Variants in PRSS12 observed in about 807,000 individuals in gnomAD.
The protein encoded by PRSS12 is serine protease 12.
In PRSS12, 85 loss-of-function variants were observed where a neutral mutation model predicts 104.4. The ratio of observed to expected loss-of-function variants is 0.81; its 90% CI spans 0.68 to 0.98. The LOEUF (loss-of-function observed/expected upper bound fraction) is 0.98. PRSS12 is among the 50% of genes least tolerant of loss of function. PRSS12 has a pLI of 0.00. For synonymous variants in PRSS12, 454 were observed against 425.2 expected, an observed-to-expected ratio of 1.07 and a Z score of -0.83; for missense variants, 1,141 against 1,139.2, an observed-to-expected ratio of 1.00 and a Z score of -0.02.
rs1226393483 is a variant in PRSS12 at position 118,298,762 on chromosome 4, C to T, written c.1808G>A (p.Gly603Asp). The T allele has an allele frequency of 6.2e-7, 1 of 1,614,196 alleles. No homozygotes were observed. The highest frequency in any genetic ancestry group is 2.2e-5 in the East Asian group (1 of 44,882). ...EDAGVICDYFGKKASGNSNKE... is the reference protein window; with the variant it reads ...EDAGVICDYFDKKASGNSNKE... The stretch of plus-strand genomic sequence containing the variant: ...ATTACTGTTACCTGAGGCCTTCTTG[C>T]CAAAATAATCACAAATAACTCCTGC... Residue 603 changes from glycine (G) to aspartate (D), a missense_variant, in exon 9 of 13, where the codon GGC becomes GAC. Transcript: ENST00000296498.
intron 2 of PRSS12, 131 bp downstream of exon 2, chr4:118,338,044 CT>C: frequency 8.2e-7 from 1 of 1,216,228 alleles, no homozygotes; most frequent in Non-Finnish European, 1.2e-6. Context: ...CTTTATAGCT[CT>C]TTTGTGAAAA....
At chr4:118,318,284 T>C (rs1723500646) in intron 5 of PRSS12, 94 bp downstream of exon 5, 2 of 1,198,996 alleles carry the variant, frequency 1.7e-6, no homozygotes, top group Middle Eastern at 2.3e-4. Context: ...GTATGCTCAT[T>C]TGGTAATGTT....
At chr4:118,310,045 A>G (rs1743666723) in intron 7 of PRSS12, among the ~76,000 whole-genome samples, 3 of 152,298 alleles carry the variant, frequency 2.0e-5, no homozygotes, top group South Asian at 4.1e-4. Flanking sequence ...TGCCAACTCT[A>G]TGTATGCACT....
At chr4:118,293,197 G>A (rs1743169779) in intron 11 of PRSS12, among the ~76,000 whole-genome samples, 1 of 151,750 alleles carries the variant, frequency 6.6e-6, no homozygotes. Flanking sequence ...GTAAAGACTA[G>A]AATATTTAAT....
chr4:118,352,226 G>C lies in PRSS12; in HGVS notation c.495C>G (p.Cys165Trp). 1.2e-6 allele frequency: 2 copies of C among 1,611,938 alleles called. No individual in the cohort carries two copies. The highest frequency in any genetic ancestry group is 1.7e-6 in the Non-Finnish European group (2 of 1,179,746). The change falls in exon 1 of 13, where the codon TGC (cysteine) becomes TGG (tryptophan). Residue 165 changes from cysteine (C) to tryptophan (W), a missense_variant. Cys to Trp is a radical substitution (Grantham distance 215, BLOSUM62 -2). Coordinates refer to ENST00000296498, the MANE Select transcript of PRSS12 (RefSeq NM_003619.4). ...CGCCCCGAGGCCACTAACCGTGTCT[G>C]CAGTCGCAGTAGCCCCAGTCCACCT... is the stretch of plus-strand genomic sequence containing the variant. ...RGKVDWGYCD[C>W]RHGSVRLRGG...
chr4:118,322,201 A>G (rs1723644964), intron 4 of PRSS12, among the ~76,000 whole-genome samples: 1 of 152,196 alleles, frequency 6.6e-6, no homozygotes, highest in Non-Finnish European at 1.5e-5. Context: ...CAACTGTTTT[A>G]AAGATTACTT....
chr4:118,331,219 T>C (rs752357293), intron 4 of PRSS12, among the ~76,000 whole-genome samples: 29 of 152,338 alleles, frequency 1.9e-4, no homozygotes, highest in Non-Finnish European at 3.7e-4. Context: ...TTCAGACTGC[T>C]GTTTTCATGA....
intron 3 of PRSS12, among the ~76,000 whole-genome samples, chr4:118,334,658 C>T (rs1251665287): frequency 6.6e-6 from 1 of 152,148 alleles, no homozygotes; most frequent in Admixed American, 6.6e-5. Flanking sequence ...AAATGGGTCT[C>T]TCTGTTTTGT....
In PRSS12 at chr4:118,280,607, T is replaced by A. The variant is rs1211771667; in HGVS notation, c.*1329A>T. 6.6e-6 allele frequency: 1 copy of A among 152,240 alleles called. No individual in the cohort carries two copies. Among genetic ancestry groups the A allele is most frequent in the Admixed American group, 6.5e-5 (1 of 15,292 alleles). 9.4% of individuals were successfully genotyped at this position (152,240 alleles called of 1,614,324 possible). A position where few individuals can be genotyped will look rare whatever the true frequency, so the allele number is the denominator to read the frequency against. On this transcript the variant is annotated 3_prime_UTR_variant, in exon 13 of 13. Coordinates refer to ENST00000296498, the MANE Select transcript of PRSS12 (RefSeq NM_003619.4). ...CAATTTGTAAGTTCATGCTAACCTC[T>A]TCCCTATATTTATACTACTGGGACC...
At chr4:118,312,621 A>G (rs1415912992) in intron 7 of PRSS12, among the ~76,000 whole-genome samples, 1 of 152,182 alleles carries the variant, frequency 6.6e-6, no homozygotes, top group Non-Finnish European at 1.5e-5. Flanking sequence ...AAAAATGTAA[A>G]TGAAGAGTAA....
intron 8 of PRSS12, among the ~76,000 whole-genome samples, chr4:118,300,880 A>G (rs1267604645): frequency 2.0e-5 from 3 of 152,114 alleles, no homozygotes; most frequent in African/African-American, 7.2e-5. Flanking sequence ...TTCTCCATCA[A>G]ACTTTGGCAA....
intron 1 of PRSS12, among the ~76,000 whole-genome samples, chr4:118,340,195 T>C (rs189941942): frequency 6.6e-6 from 1 of 152,170 alleles, no homozygotes; most frequent in African/African-American, 2.4e-5. Flanking sequence ...TGGAAATAGT[T>C]TCCAGGTCAA....
rs2126028119 is a variant in PRSS12, at chr4:118,294,938, C to A, written c.2039+1G>T. The A allele has an allele frequency of 6.2e-7, 1 of 1,614,030 alleles. No homozygotes were observed. Among genetic ancestry groups the A allele is most frequent in the Non-Finnish European group, 8.5e-7 (1 of 1,179,978 alleles). On this transcript the variant is annotated splice_donor_variant, in intron 11 of 12. Coordinates refer to ENST00000296498, the MANE Select transcript of PRSS12 (RefSeq NM_003619.4). LOFTEE classifies it high-confidence loss of function. Reference sequence around the variant, plus strand: ...GGTTGTTTGGGAAGGTGGACACATACCTCTTGAAACAGTGTGCTGCTGTGA... The same window carrying A: ...GGTTGTTTGGGAAGGTGGACACATAACTCTTGAAACAGTGTGCTGCTGTGA...
At chr4:118,317,087 C>T (rs946951813) in intron 5 of PRSS12, among the ~76,000 whole-genome samples, 3 of 151,518 alleles carry the variant, frequency 2.0e-5, no homozygotes, top group African/African-American at 2.4e-5. Flanking sequence ...AATAGGATGA[C>T]AGAAAAAAAC....
chr4:118,299,276 A>C (rs540912431), intron 8 of PRSS12, among the ~76,000 whole-genome samples: 2 of 152,332 alleles, frequency 1.3e-5, no homozygotes, highest in South Asian at 2.1e-4. Flanking sequence ...CCTCTTAAAG[A>C]GTACAATACT....
chr4:118,284,224 G>GT (rs1742964491), intron 11 of PRSS12, among the ~76,000 whole-genome samples: 2 of 152,080 alleles, frequency 1.3e-5, no homozygotes, highest in South Asian at 4.1e-4. Context: ...CTGGTACATG[G>GT]TACACAAACC....
Position 118,295,838 on chromosome 4 carries a change from C to G in PRSS12, c.1856G>C (p.Cys619Ser). ...NSNKESLSSV[C>S]GLRLLHRRQK... ...CCGACGGTGCAGTAATCTCAAGCCA[C>G]AAACAGATGAGAGGGACTCTGAAGC... The change falls in exon 10 of 13, where the codon TGT (cysteine) becomes TCT (serine). Residue 619 changes from cysteine to serine, a missense_variant. Physicochemically the swap from Cys to Ser is moderately radical, Grantham distance 112. Coordinates refer to ENST00000296498, the MANE Select transcript of PRSS12 (RefSeq NM_003619.4). The G allele has an allele frequency of 6.2e-7, 1 of 1,614,032 alleles. No individual in the cohort carries two copies. The highest frequency in any genetic ancestry group is 8.5e-7 in the Non-Finnish European group (1 of 1,179,932).
intron 11 of PRSS12, among the ~76,000 whole-genome samples, chr4:118,283,985 C>T (rs1742956683): frequency 6.6e-6 from 1 of 152,100 alleles, no homozygotes; most frequent in Non-Finnish European, 1.5e-5. Context: ...TGTATACTTT[C>T]TATAGTCCAT....
chr4:118,319,772 G>A (rs930018731), intron 4 of PRSS12, among the ~76,000 whole-genome samples: 12 of 151,982 alleles, frequency 7.9e-5, no homozygotes, highest in Admixed American at 2.0e-4. Context: ...TGACCTCCTG[G>A]GCTCCAGTGA....
Sources: allele counts gnomAD v4.1 joint callset (sites outside exome capture counted in the v4.1 genomes callset), GRCh38; gene constraint gnomAD v4.1.1; transcripts MANE v1.5; gene names NCBI Gene and HGNC (gene_info 2026-07-23, HGNC 2026-07-21).